Variants in ADAMTS17 observed in about 807,000 individuals in gnomAD.
ADAMTS17 encodes the protein A disintegrin and metalloproteinase with thrombospondin motifs 17.
In ADAMTS17, 113 loss-of-function variants were observed where a neutral mutation model predicts 141.5. The ratio of observed to expected loss-of-function variants is 0.80; its 90% CI spans 0.69 to 0.93. ADAMTS17 has a LOEUF of 0.93. Ranked by LOEUF, ADAMTS17 falls within the 40% of genes least tolerant of loss-of-function variation. The pLI, the probability that ADAMTS17 is intolerant of heterozygous loss-of-function variation, is 0.00. For synonymous variants in ADAMTS17, 768 were observed against 630.6 expected, an observed-to-expected ratio of 1.22 and a Z score of -3.27; for missense variants, 1,659 against 1,517.9, an observed-to-expected ratio of 1.09 and a Z score of -1.54.
intron 15 of ADAMTS17, among the ~76,000 whole-genome samples, chr15:100,066,704 C>A (rs2033558539): frequency 6.6e-6 from 1 of 152,186 alleles, no homozygotes; most frequent in South Asian, 2.1e-4. Flanking sequence ...ACAGAGAAGG[C>A]AACCATCCTT....
At chr15:100,155,096 T>G in intron 9 of ADAMTS17, 84 bp downstream of exon 9, 1 of 1,601,290 alleles carries the variant, frequency 6.2e-7, no homozygotes, top group Non-Finnish European at 8.5e-7. Context: ...TTTCTCCACT[T>G]CACACTTGCT....
At chr15:100,013,366 T>A (rs914584509) in intron 18 of ADAMTS17, among the ~76,000 whole-genome samples, 2 of 152,208 alleles carry the variant, frequency 1.3e-5, no homozygotes, top group African/African-American at 2.4e-5. Flanking sequence ...CCAATTTGGA[T>A]GCCCTTTATT....
intron 6 of ADAMTS17, among the ~76,000 whole-genome samples, chr15:100,255,037 A>G (rs1186192770): frequency 6.6e-6 from 1 of 152,166 alleles, no homozygotes; most frequent in Non-Finnish European, 1.5e-5. Context: ...TGTCTTCCTT[A>G]AAGCTCCCCA....
chr15:100,088,163 A>G (rs1017371409), intron 15 of ADAMTS17, among the ~76,000 whole-genome samples: 18 of 152,146 alleles, frequency 1.2e-4, no homozygotes, highest in Admixed American at 9.2e-4. Context: ...AAATCAATGT[A>G]CAAAAATCAC....
intron 19 of ADAMTS17, among the ~76,000 whole-genome samples, chr15:99,994,683 C>T (rs1596180503): frequency 6.6e-6 from 1 of 152,214 alleles, no homozygotes; most frequent in East Asian, 1.9e-4. Flanking sequence ...TCTCCTGCCT[C>T]AGCCTCCTGA....
intron 20 of ADAMTS17, among the ~76,000 whole-genome samples, chr15:99,977,226 C>A (rs2060353976): frequency 2.7e-5 from 4 of 150,656 alleles, no homozygotes; most frequent in Admixed American, 2.6e-4. Context: ...GCATCTCCAG[C>A]CCCAGCATGA....
At chr15:99,979,695 A>G (rs1277307834) in intron 20 of ADAMTS17, 1 of 152,226 alleles carries the variant, frequency 6.6e-6, no homozygotes, top group Non-Finnish European at 1.5e-5. Flanking sequence ...GACCAACACT[A>G]CAATCACCAG....
At position 100,152,665 on chromosome 15, in the gene ADAMTS17, C is replaced by T. The variant is rs751726573; in HGVS notation, c.1420G>A (p.Glu474Lys). Residue 474 changes from glutamate to lysine, a missense_variant, in exon 10 of 22, where the codon GAG (glutamate) becomes AAG (lysine). By Grantham distance (56) the Glu-to-Lys change is moderately conservative. Transcript: ENST00000268070. ...ATGCCAAACAGGATCTGGCACTGCT[C>T]GTTGGCACTGTAGTGCATGCCCGGC... ...KLPGMHYSANEQCQILFGMNA... is the reference protein window; with the variant it reads ...KLPGMHYSANKQCQILFGMNA... 57 of 1,614,016 alleles carry T rather than the reference C, an allele frequency of 3.5e-5. No homozygotes were observed. The highest frequency in any genetic ancestry group is 2.0e-4 in the East Asian group (9 of 44,880).
intron 7 of ADAMTS17, among the ~76,000 whole-genome samples, chr15:100,247,707 TA>T (rs1405206617): frequency 2.6e-5 from 4 of 152,126 alleles, no homozygotes; most frequent in African/African-American, 9.7e-5. Flanking sequence ...ATTCAATTAA[TA>T]AAAACTCAAC....
At chr15:100,082,203 C>T in intron 15 of ADAMTS17, among the ~76,000 whole-genome samples, 1 of 151,988 alleles carries the variant, frequency 6.6e-6, no homozygotes, top group East Asian at 1.9e-4. Context: ...GTAGCTGGGA[C>T]TACAGGCACG....
chr15:100,310,480 A>T (rs1264917968), intron 3 of ADAMTS17, among the ~76,000 whole-genome samples: 1 of 152,166 alleles, frequency 6.6e-6, no homozygotes, highest in East Asian at 1.9e-4. Flanking sequence ...AATCCACGGG[A>T]CCCCAACCTA....
intron 10 of ADAMTS17, 146 bp downstream of exon 10, chr15:100,152,466 G>C: frequency 9.5e-7 from 1 of 1,048,754 alleles, no homozygotes; most frequent in Non-Finnish European, 1.4e-6. Context: ...GCAAACGTGT[G>C]TGTGCATATA....
chr15:100,123,274 AC>A (rs2037545161), intron 12 of ADAMTS17, among the ~76,000 whole-genome samples: 1 of 152,222 alleles, frequency 6.6e-6, no homozygotes, highest in East Asian at 1.9e-4. Flanking sequence ...GCTCTGAGCT[AC>A]GCAGTAAGGA....
At chr15:100,235,556 G>A (rs1197950216) in intron 7 of ADAMTS17, among the ~76,000 whole-genome samples, 2 of 151,962 alleles carry the variant, frequency 1.3e-5, no homozygotes, top group African/African-American at 2.4e-5. Flanking sequence ...ACAGATGCTC[G>A]GCATCACCTC....
intron 7 of ADAMTS17, among the ~76,000 whole-genome samples, chr15:100,240,731 C>T (rs1002723018): frequency 6.6e-6 from 1 of 152,214 alleles, no homozygotes; most frequent in Non-Finnish European, 1.5e-5. Flanking sequence ...TTTGTCAAGA[C>T]GCGGTATAAG....
In ADAMTS17 at chr15:100,216,621, A is replaced by C. The variant is rs1002196301; in HGVS notation, c.1076-17198T>G. Among the ~76,000 whole-genome samples, 7 of 152,294 alleles carry C rather than the reference A, an allele frequency of 4.6e-5. No homozygotes were observed. The East Asian group carries it at 1.4e-3, about 29-fold the overall frequency. ...TGGATTTTGCGCTGACTGCCTTTAA[A>C]GACAAGCTCACGGAACCCTTTTTCC... On this transcript the variant is annotated intron_variant, in intron 7 of 21. Transcript: ENST00000268070.
chr15:100,243,605 C>A (rs2042892709), intron 7 of ADAMTS17, among the ~76,000 whole-genome samples: 1 of 152,098 alleles, frequency 6.6e-6, no homozygotes, highest in Admixed American at 6.5e-5. Context: ...GTGTGGCCAA[C>A]ACGGTCAAAC....
intron 8 of ADAMTS17, among the ~76,000 whole-genome samples, chr15:100,172,208 T>C (rs1422107505): frequency 6.6e-6 from 1 of 152,156 alleles, no homozygotes; most frequent in Non-Finnish European, 1.5e-5. Flanking sequence ...TGGAGAATAC[T>C]AGAAAACACT....
chr15:100,293,995 C>A (rs562693377), intron 3 of ADAMTS17, among the ~76,000 whole-genome samples: 1 of 152,142 alleles, frequency 6.6e-6, no homozygotes, highest in African/African-American at 2.4e-5. Flanking sequence ...TTAGAATCTG[C>A]CCATGGACTT....
Sources: gnomAD v4.1 joint callset for allele counts (sites outside exome capture counted in the v4.1 genomes callset) on GRCh38, gnomAD v4.1.1 for gene constraint, MANE v1.5 for transcripts, NCBI Gene and HGNC (gene_info 2026-07-23, HGNC 2026-07-21) for gene names.